PDE1C: variants seen among roughly 807,000 people sequenced by gnomAD.
PDE1C encodes dual specificity calcium/calmodulin-dependent 3',5'-cyclic nucleotide phosphodiesterase 1C.
A neutral mutation model predicts 93.1 loss-of-function variants in PDE1C; 62 were observed. The ratio of observed to expected loss-of-function variants is 0.67; its 90% CI spans 0.54 to 0.82. The LOEUF (loss-of-function observed/expected upper bound fraction) is 0.82. PDE1C is among the 40% of genes least tolerant of loss of function. The pLI is 0.00. For synonymous variants in PDE1C, 325 were observed against 310.1 expected (o/e 1.05, Z -0.50); for missense variants, 742 against 884.6 (o/e 0.84, Z 2.04).
Position 32,257,641 on chromosome 7 carries a change from A to G in PDE1C, c.85+41010T>C, listed in dbSNP as rs138881420. On this transcript the variant is annotated intron_variant, in intron 1 of 18. Transcript: ENST00000396193. ...TATTGCTATTATTGTTATTATTACT[A>G]CTACTACTATAATTATTAAGCAATC... Among the ~76,000 whole-genome samples the G allele has an allele frequency of 4.2e-3, 638 of 152,320 alleles. 2 individuals carry two copies. Among genetic ancestry groups the G allele is most frequent in the African/African-American group, 0.011 (453 of 41,554 alleles).
rs368100788 is a variant in PDE1C, at chr7:32,338,831, G to A, written c.310+88991C>T. Among the ~76,000 whole-genome samples the A allele has an allele frequency of 7.4e-4, 112 of 152,116 alleles. No homozygotes were observed. In the Middle Eastern group the frequency reaches 0.02, roughly 28 times the overall value. On this transcript the variant is annotated intron_variant, in intron 1 of 1. Transcript: ENST00000672256. ...ATCCTGGCTAACACGGTGAAACCCCGTCTCTACTAAAAATACAAAAAATTA... is the reference window on the plus strand; with the variant it reads ...ATCCTGGCTAACACGGTGAAACCCCATCTCTACTAAAAATACAAAAAATTA...
chr7:32,364,496 G>C (rs1562691786), intron 1 of PDE1C, among the ~76,000 whole-genome samples: 2 of 152,186 alleles, frequency 1.3e-5, no homozygotes, highest in Non-Finnish European at 2.9e-5. Context: ...TTCTCATGGT[G>C]TGAAAAAGGT....
At chr7:31,720,477 G>A in the PDE1C span, among the ~76,000 whole-genome samples, 1 of 152,158 alleles carries the variant, frequency 6.6e-6, no homozygotes, top group Admixed American at 6.5e-5. Context: ...TTCATTGTGT[G>A]GGTAATGTAT....
chr7:32,128,660 A>C (rs952356500), intron 3 of PDE1C, among the ~76,000 whole-genome samples: 3 of 151,588 alleles, frequency 2.0e-5, no homozygotes, highest in African/African-American at 7.3e-5. Context: ...TGGAACATGG[A>C]CTATCTCATA....
intron 1 of PDE1C, among the ~76,000 whole-genome samples, chr7:32,411,610 G>A (rs1355698703): frequency 6.6e-6 from 1 of 152,172 alleles, no homozygotes; most frequent in Admixed American, 6.5e-5. Flanking sequence ...GAGTGAATGG[G>A]AAGGCCTGGG....
intron 2 of PDE1C, among the ~76,000 whole-genome samples, chr7:32,206,973 C>T (rs1440758855): frequency 6.6e-6 from 1 of 152,202 alleles, no homozygotes. Context: ...CTTCCCTAAC[C>T]CTCACTTCTA....
the PDE1C span, chr7:31,642,551 A>G: frequency 1.2e-6 from 1 of 806,912 alleles, no homozygotes; most frequent in Non-Finnish European, 1.9e-6. Flanking sequence ...AGAGGTAAAC[A>G]GATGCAAAAC....
chr7:32,062,591 C>G (rs1794941931), intron 1 of PDE1C, among the ~76,000 whole-genome samples: 1 of 152,230 alleles, frequency 6.6e-6, no homozygotes, highest in African/African-American at 2.4e-5. Flanking sequence ...GAAGCCTTCT[C>G]TGAATCCCGG....
chr7:31,776,748 G>T (rs1302556000), intron 16 of PDE1C, among the ~76,000 whole-genome samples: 1 of 152,052 alleles, frequency 6.6e-6, no homozygotes, highest in Non-Finnish European at 1.5e-5. Context: ...CTGGAAGCCA[G>T]ATTCTAGCAA....
At chr7:32,024,692 A>G (rs1789166791) in intron 2 of PDE1C, among the ~76,000 whole-genome samples, 1 of 152,118 alleles carries the variant, frequency 6.6e-6, no homozygotes, top group African/African-American at 2.4e-5. Flanking sequence ...TGAATCACTG[A>G]ACCACTGACA....
chr7:32,092,194 T>C (rs1324364819), intron 3 of PDE1C, among the ~76,000 whole-genome samples: 3 of 150,542 alleles, frequency 2.0e-5, no homozygotes, highest in Non-Finnish European at 3.0e-5. Context: ...AGACTTACTC[T>C]GTGTAGCCTG....
chr7:31,626,710 A>C, the PDE1C span, among the ~76,000 whole-genome samples: 3 of 152,188 alleles, frequency 2.0e-5, no homozygotes, highest in East Asian at 1.9e-4. Flanking sequence ...ATGTGCCCCA[A>C]AACTCTTGTT....
intron 3 of PDE1C, among the ~76,000 whole-genome samples, chr7:32,131,430 T>C (rs1449838216): frequency 6.6e-6 from 1 of 152,156 alleles, no homozygotes; most frequent in East Asian, 1.9e-4. Flanking sequence ...GGTTGGTTGA[T>C]GGGTTGGATG....
intron 16 of PDE1C, among the ~76,000 whole-genome samples, chr7:31,796,191 T>C (rs1054007786): frequency 2.7e-5 from 4 of 150,282 alleles, no homozygotes; most frequent in African/African-American, 9.7e-5. Flanking sequence ...TATGTATATA[T>C]GATATATATT....
chr7:32,099,612 C>T (rs979497796), intron 3 of PDE1C, among the ~76,000 whole-genome samples: 1 of 152,206 alleles, frequency 6.6e-6, no homozygotes, highest in African/African-American at 2.4e-5. Flanking sequence ...TCTCTGGATT[C>T]CTTTTATTTG....
At chr7:32,330,973 G>A (rs1358406190) in intron 1 of PDE1C, among the ~76,000 whole-genome samples, 1 of 152,076 alleles carries the variant, frequency 6.6e-6, no homozygotes, top group African/African-American at 2.4e-5. Flanking sequence ...CTGTCTCCTT[G>A]GGGTTGGACT....
intron 2 of PDE1C, among the ~76,000 whole-genome samples, chr7:31,887,433 G>GA (rs1355244959): frequency 1.3e-5 from 2 of 152,112 alleles, no homozygotes; most frequent in African/African-American, 4.8e-5. Context: ...CACATGGATT[G>GA]AAATAAATTA....
chr7:31,907,948 G>C (rs968201949), intron 2 of PDE1C, among the ~76,000 whole-genome samples: 1 of 146,856 alleles, frequency 6.8e-6, no homozygotes, highest in African/African-American at 2.5e-5. Context: ...AGAAATAGAA[G>C]AACAGAATGA....
rs185056826 is a variant in PDE1C, at chr7:31,961,160, A to G, written c.129-80300T>C. 5.3e-4 allele frequency among the ~76,000 whole-genome samples: 81 copies of G among 152,272 alleles called. 1 individual carries two copies. The highest frequency in any genetic ancestry group is 1.9e-3 in the African/African-American group (78 of 41,558). On this transcript the variant is annotated intron_variant, in intron 2 of 17. Coordinates refer to ENST00000396191, the MANE Select transcript of PDE1C (RefSeq NM_001191057.4). ...ATCTAGCTTAGTTTATATTGTCAGC[A>G]TATGGAGAAAAAAGAAAAATCTTCC...
Sources: allele counts gnomAD v4.1 joint callset (sites outside exome capture counted in the v4.1 genomes callset), GRCh38; gene constraint gnomAD v4.1.1; transcripts MANE v1.5; gene names NCBI Gene and HGNC (gene_info 2026-07-23, HGNC 2026-07-21).